Variants in TDRD9 observed in about 807,000 individuals in gnomAD.
The protein encoded by TDRD9 is tudor domain containing 9.
TDRD9 carries 124 observed loss-of-function variants against 172.6 expected under a neutral mutation model. That is an observed-to-expected ratio of 0.72 (90% confidence interval 0.62 to 0.83). The LOEUF (loss-of-function observed/expected upper bound fraction) is 0.83. TDRD9 is among the 40% of genes least tolerant of loss of function. The probability of loss-of-function intolerance (pLI) is 0.00; values close to 1 mark genes in which losing one functional copy is unlikely to be tolerated. For missense variants in TDRD9, 1,479 were observed against 1,714.1 expected (o/e 0.86, Z 2.42); for synonymous variants, 619 against 617.1 (o/e 1.00, Z -0.05).
chr14:104,033,278 C>T (rs768424785), intron 30 of TDRD9, among the ~76,000 whole-genome samples: 2 of 152,154 alleles, frequency 1.3e-5, no homozygotes, highest in Admixed American at 6.5e-5. Flanking sequence ...AGGCCTCTGG[C>T]GATCTGCCTG....
intron 2 of TDRD9, among the ~76,000 whole-genome samples, chr14:103,961,307 G>A (rs562196638): frequency 4.6e-5 from 7 of 152,296 alleles, no homozygotes; most frequent in Middle Eastern, 3.4e-3. Flanking sequence ...TAGGTCAGGC[G>A]TGGTGGCTCA....
Position 104,025,624 on chromosome 14 carries a change from A to T in TDRD9, c.2779A>T (p.Lys927Ter). 6.2e-7 allele frequency: 1 copy of T among 1,614,032 alleles called. No individual in the cohort carries two copies. The highest frequency in any genetic ancestry group is 2.2e-5 in the East Asian group (1 of 44,886). ...TGATGAAAACAACTCAGAGATTCTG[A>T]AAAAGCTTACTGCTGAAATCAACCA... is the stretch of plus-strand genomic sequence containing the variant. ...RIDENNSEIL[K>*]KLTAEINQLT... The change falls in exon 26 of 36, where the codon AAA becomes TAA. Residue 927 changes from lysine to a stop codon, truncating the protein, a stop_gained. Transcript: ENST00000409874. LOFTEE classifies it high-confidence loss of function.
intron 8 of TDRD9, among the ~76,000 whole-genome samples, chr14:103,987,842 T>C (rs936631279): frequency 2.6e-5 from 4 of 152,212 alleles, no homozygotes; most frequent in Admixed American, 2.6e-4. Flanking sequence ...GAAAATGAGA[T>C]ATTGATGTCC....
Position 104,040,194 on chromosome 14 carries a change from A to G in TDRD9, c.3717-2A>G. 7 of 1,508,172 alleles carry G rather than the reference A, an allele frequency of 4.6e-6. No homozygotes were observed. The highest frequency in any genetic ancestry group is 6.2e-6 in the Non-Finnish European group (7 of 1,122,950). 93.4% of individuals were successfully genotyped at this position (1,508,172 alleles called of 1,614,324 possible). ...GGACTCTTCTGAAAACATTCCATTT[A>G]GGATTGATCAGAATGGCAAGTACTA... On this transcript the variant is annotated splice_acceptor_variant, in intron 32 of 35. Coordinates refer to ENST00000409874, the MANE Select transcript of TDRD9 (RefSeq NM_153046.3). LOFTEE classifies it high-confidence loss of function.
At chr14:104,013,046 G>A (rs978188478) in intron 20 of TDRD9, among the ~76,000 whole-genome samples, 1 of 152,200 alleles carries the variant, frequency 6.6e-6, no homozygotes. Context: ...GTACAGAGGC[G>A]AGCATCTGAG....
rs796503683 is a variant in TDRD9, at chr14:104,014,045, C to G, written c.2107-680C>G. 51 of 152,104 alleles carry G rather than the reference C, an allele frequency of 3.4e-4. 1 individual carries two copies. The highest frequency in any genetic ancestry group is 1.2e-3 in the African/African-American group (50 of 41,462). The allele number at this position is 152,104 out of a possible 1,614,324, so 9.4% of individuals were successfully genotyped here. On this transcript the variant is annotated intron_variant, in intron 20 of 35. Coordinates refer to ENST00000409874, the MANE Select transcript of TDRD9 (RefSeq NM_153046.3). The stretch of plus-strand genomic sequence containing the variant: ...GAGATTGAGACCATCCTGGCTAACA[C>G]GGTGAAACCCTGTCTCTACTAAAAA...
chr14:104,025,463 T>A (rs2035087186), intron 25 of TDRD9, 101 bp from the exon 26 acceptor site: 9 of 818,270 alleles, frequency 1.1e-5, no homozygotes, highest in Non-Finnish European at 1.8e-5. Context: ...GCTGGTGAGG[T>A]GTCGTACAGC....
At chr14:103,974,806 A>C (rs77303334) in intron 6 of TDRD9, among the ~76,000 whole-genome samples, 7,169 of 151,904 alleles carry the variant, frequency 0.047, 256 homozygotes, top group Non-Finnish European at 0.071. Context: ...ATGCCCAGCT[A>C]TTTTTAAATT....
intron 30 of TDRD9, among the ~76,000 whole-genome samples, chr14:104,032,436 A>C (rs2152253074): frequency 6.6e-6 from 1 of 151,982 alleles, no homozygotes; most frequent in Admixed American, 6.5e-5. Context: ...CAAACTCCTG[A>C]CCCTGTGATC....
chr14:104,022,333 A>G lies in TDRD9; in HGVS notation c.2606+3A>G. 6.2e-7 allele frequency: 1 copy of G among 1,608,214 alleles called. No homozygotes were observed. The highest frequency in any genetic ancestry group is 1.1e-5 in the South Asian group (1 of 89,932). ...GTCTCAAAGCTCAGGAACACAAGGT[A>G]TTTTCGGGAGGGAGGTGGCAGACAG... On this transcript the variant is annotated splice_donor_region_variant and intron_variant, in intron 24 of 35. Coordinates refer to ENST00000409874, the MANE Select transcript of TDRD9 (RefSeq NM_153046.3).
chr14:103,937,232 C>T (rs2030826915), intron 1 of TDRD9, among the ~76,000 whole-genome samples: 1 of 152,188 alleles, frequency 6.6e-6, no homozygotes, highest in South Asian at 2.1e-4. Context: ...GCGAGCGTTC[C>T]TCCATTGGGC....
At chr14:103,941,365 G>A in intron 1 of TDRD9, 1 of 1,468,032 alleles carries the variant, frequency 6.8e-7, no homozygotes, top group Non-Finnish European at 9.1e-7. Context: ...CTTAGCAGTA[G>A]CAGGAATCAT....
chr14:103,997,569 A>G lies in TDRD9; in HGVS notation c.1379-1055A>G, dbSNP rs2152206939. 6.6e-6 allele frequency among the ~76,000 whole-genome samples: 1 copy of G among 152,348 alleles called. No homozygotes were observed. Among genetic ancestry groups the G allele is most frequent in the East Asian group, 1.9e-4 (1 of 5,180 alleles). On this transcript the variant is annotated intron_variant, in intron 12 of 35. Coordinates refer to ENST00000409874, the MANE Select transcript of TDRD9 (RefSeq NM_153046.3). The surrounding 1 kb of genome is among the most constrained non-coding windows in gnomAD (Gnocchi z 5.1). ...CTGTGTGAGCCTGGAGACCAGGGCC[A>G]GGGAGCAGCTGGCGGGGGCGTCAGC...
chr14:104,007,129 T>C, intron 18 of TDRD9, 31 bp from the exon 19 acceptor site: 1 of 1,605,084 alleles, frequency 6.2e-7, no homozygotes, highest in South Asian at 1.1e-5. Flanking sequence ...GCCAACACAT[T>C]ATTTTGAAAG....
At chr14:104,049,116 A>ATG (rs1217764671) in intron 34 of TDRD9, among the ~76,000 whole-genome samples, 108 of 23,106 alleles carry the variant, frequency 4.7e-3, no homozygotes, top group East Asian at 8.3e-3. Context: ...GTATGTATGT[A>ATG]TGTATGTGTG....
intron 11 of TDRD9, 113 bp downstream of exon 11, chr14:103,994,716 T>A: frequency 1.3e-6 from 1 of 791,080 alleles, no homozygotes; most frequent in Non-Finnish European, 2.0e-6. Context: ...TTTCCAGCAC[T>A]GTGAGAGGCT....
intron 7 of TDRD9, among the ~76,000 whole-genome samples, chr14:103,985,708 G>A (rs55866217): frequency 0.031 from 4,712 of 152,236 alleles, 165 homozygotes; most frequent in Admixed American, 0.13. Context: ...CTCATCATGA[G>A]GTTATGTTAT....
At position 104,016,045 on chromosome 14, in the gene TDRD9, C is replaced by A. The variant is rs754228129; in HGVS notation, c.2288C>A (p.Ala763Glu). Reference sequence around the variant, plus strand: ...TTTGGACAGCCGGATGAGGAGATGGCGGTGAGGGAGCTGGCTGGCAAGGAC... The same window carrying A: ...TTTGGACAGCCGGATGAGGAGATGGAGGTGAGGGAGCTGGCTGGCAAGGAC... ...FTFGQPDEEM[A>E]VRELAGKDPK... Residue 763 changes from alanine to glutamate, a missense_variant, in exon 22 of 36, where the codon GCG becomes GAG. Ala to Glu is a moderately radical substitution (Grantham distance 107, BLOSUM62 -1). This residue lies in a region of TDRD9 where 1,413 missense variants were observed against 1,649.1 expected (regional missense o/e 0.86). Transcript: ENST00000409874. 1.2e-6 allele frequency: 2 copies of A among 1,603,476 alleles called. No homozygotes were observed. Among genetic ancestry groups the A allele is most frequent in the African/African-American group, 1.3e-5 (1 of 74,714 alleles).
In TDRD9 at chr14:103,991,223, A is replaced by G. The variant is rs770585787; in HGVS notation, c.1179A>G (p.Pro393=). ...LERSSVLVFL[P]GLGEINYMHE... is the part of the protein sequence containing the mutation. The stretch of plus-strand genomic sequence containing the variant: ...GAAGCAGTGTGTTGGTGTTTTTGCC[A>G]GGTAAGAACATCATAATTTTGTGAC... Residue 393 remains proline (P), a splice_region_variant and synonymous_variant, in exon 9 of 36, where the codon CCA becomes CCG. Coordinates refer to ENST00000409874, the MANE Select transcript of TDRD9 (RefSeq NM_153046.3). 1 of 1,613,994 alleles carries G rather than the reference A, an allele frequency of 6.2e-7. No homozygotes were observed. The highest frequency in any genetic ancestry group is 8.5e-7 in the Non-Finnish European group (1 of 1,179,878).
Sources: allele counts gnomAD v4.1 joint callset (sites outside exome capture counted in the v4.1 genomes callset), GRCh38; gene constraint gnomAD v4.1.1; regional missense constraint gnomAD v4.1.1; non-coding constraint Gnocchi (gnomAD v3.1); transcripts MANE v1.5; gene names NCBI Gene and HGNC (gene_info 2026-07-23, HGNC 2026-07-21).